P2RY1: variants seen among roughly 807,000 people sequenced by gnomAD.
P2RY1 encodes P2Y purinoceptor 1.
Under a neutral mutation model 22.8 loss-of-function variants are expected in P2RY1, and 14 were observed. The ratio of observed to expected loss-of-function variants is 0.61; its 90% CI spans 0.41 to 0.96. The LOEUF (loss-of-function observed/expected upper bound fraction) is 0.96, where lower values mean the gene tolerates loss of function less well. Among genes scored for constraint, P2RY1 ranks in the 40% least tolerant of loss-of-function variants. The pLI, the probability that P2RY1 is intolerant of heterozygous loss-of-function variation, is 0.00. For synonymous variants in P2RY1, 200 were observed against 195.1 expected (o/e 1.03, Z -0.21); for missense variants, 395 against 470.3 (o/e 0.84, Z 1.48).
In P2RY1 at chr3:152,835,948, G is replaced by C; in HGVS notation, c.166G>C (p.Ala56Pro). The change falls in exon 1 of 1, where the codon GCT becomes CCT. Residue 56 changes from alanine (A) to proline (P), a missense_variant. Around this residue, in one of 3 missense-constraint regions of P2RY1, gnomAD observed 98 missense variants for 87.7 expected, o/e 1.12. Transcript: ENST00000305097. ...GGGCTTCCAGTTTTACTACCTGCCG[G>C]CTGTCTACATCTTGGTATTCATCAT... ...KTGFQFYYLPAVYILVFIIGF... is the reference protein window; with the variant it reads ...KTGFQFYYLPPVYILVFIIGF... The C allele has an allele frequency of 6.2e-7, 1 of 1,614,194 alleles. No individual in the cohort carries two copies.
chr3:152,836,295 C>G lies in P2RY1; in HGVS notation c.513C>G (p.Ile171Met), dbSNP rs1232204166. 3.7e-6 allele frequency: 6 copies of G among 1,614,040 alleles called. No individual in the cohort carries two copies. The highest frequency in any genetic ancestry group is 5.1e-6 in the Non-Finnish European group (6 of 1,180,038). ...TCAAAAAGAAGAATGCGATCTGTAT[C>G]AGCGTGCTGGTGTGGCTCATTGTGG... ...GRLKKKNAICISVLVWLIVVV... is the reference protein window; with the variant it reads ...GRLKKKNAICMSVLVWLIVVV... Residue 171 changes from isoleucine (I) to methionine (M), a missense_variant, in exon 1 of 1, where the codon ATC becomes ATG. Ile to Met is a conservative substitution (Grantham distance 10, BLOSUM62 1). Coordinates refer to ENST00000305097, the MANE Select transcript of P2RY1 (RefSeq NM_002563.5). This position sits in a 1 kb window ranked among gnomAD's most constrained non-coding sequence, Gnocchi z 5.6.
At position 152,836,245 on chromosome 3, in the gene P2RY1, TA is replaced by T; in HGVS notation, c.464del (p.Tyr155SerfsTer78). ...TGCCCACCGGTACAGCGGTGTGGTG[TA>T]CCCCCTCAAGTCCCTGGGCCGGCTC... ...ISAHRYSGVV[Y>X]PLKSLGRLKK... is the part of the protein sequence containing the mutation. On this transcript the variant is annotated frameshift_variant, in exon 1 of 1. Transcript: ENST00000305097. LOFTEE classifies it high-confidence loss of function. The surrounding 1 kb of genome is among the most constrained non-coding windows in gnomAD (Gnocchi z 5.6). The T allele has an allele frequency of 1.2e-6, 2 of 1,614,148 alleles. No individual in the cohort carries two copies. The highest frequency in any genetic ancestry group is 1.7e-6 in the Non-Finnish European group (2 of 1,180,024).
In P2RY1 at chr3:152,839,001, T is replaced by A. The variant is rs1716237365; in HGVS notation, c.*2097T>A. The A allele has an allele frequency of 6.6e-6, 1 of 152,218 alleles. No individual in the cohort carries two copies. Among genetic ancestry groups the A allele is most frequent in the Non-Finnish European group, 1.5e-5 (1 of 68,022 alleles). 9.4% of individuals were successfully genotyped at this position (152,218 alleles called of 1,614,324 possible). A position where few individuals can be genotyped will look rare whatever the true frequency, so the allele number is the denominator to read the frequency against. The stretch of plus-strand genomic sequence containing the variant: ...TACCAGACTTGAACTTGTAGCCTAA[T>A]GATACACATTTTTACAATATTTCTT... On this transcript the variant is annotated 3_prime_UTR_variant, in exon 1 of 1. Transcript: ENST00000305097.
chr3:152,835,477 A>C lies in P2RY1; in HGVS notation c.-306A>C. 3 of 387,310 alleles carry C rather than the reference A, an allele frequency of 7.7e-6. No homozygotes were observed. Among genetic ancestry groups the C allele is most frequent in the Non-Finnish European group, 9.3e-6 (2 of 215,862 alleles). The allele number at this position is 387,310 out of a possible 1,614,324, so 24.0% of individuals were successfully genotyped here. On this transcript the variant is annotated 5_prime_UTR_variant, in exon 1 of 1. Coordinates refer to ENST00000305097, the MANE Select transcript of P2RY1 (RefSeq NM_002563.5). Reference sequence around the variant, plus strand: ...GGCCCCTCGGGAAAGCGCAGTCGGAAAGTTATCCGCGGCGGTTCCCTGCGC... The same window carrying C: ...GGCCCCTCGGGAAAGCGCAGTCGGACAGTTATCCGCGGCGGTTCCCTGCGC...
chr3:152,837,628 A>G lies in P2RY1; in HGVS notation c.*724A>G, dbSNP rs1210462562. On this transcript the variant is annotated 3_prime_UTR_variant, in exon 1 of 1. Transcript: ENST00000305097. Reference sequence around the variant, plus strand: ...TATCGTACTGGTAAAATGCATTCAAAATAATTAAAGTGCATGTATTTTCCT... The same window carrying G: ...TATCGTACTGGTAAAATGCATTCAAGATAATTAAAGTGCATGTATTTTCCT... The G allele has an allele frequency of 6.0e-6, 1 of 167,058 alleles. No homozygotes were observed. The highest frequency in any genetic ancestry group is 1.5e-5 in the Non-Finnish European group (1 of 68,132). The allele number at this position is 167,058 out of a possible 1,614,324, so 10.3% of individuals were successfully genotyped here. A position where few individuals can be genotyped will look rare whatever the true frequency, so the allele number is the denominator to read the frequency against.
At position 152,838,631 on chromosome 3, in the gene P2RY1, A is replaced by G. The variant is rs1339225260; in HGVS notation, c.*1727A>G. ...CTTGATTTCAGTTCTTGCAATGCCT[A>G]TGTAGATTGAGGATTTGTGAGACCT... is the stretch of plus-strand genomic sequence containing the variant. On this transcript the variant is annotated 3_prime_UTR_variant, in exon 1 of 1. Coordinates refer to ENST00000305097, the MANE Select transcript of P2RY1 (RefSeq NM_002563.5). 2 of 152,166 alleles carry G rather than the reference A, an allele frequency of 1.3e-5. No individual in the cohort carries two copies. The highest frequency in any genetic ancestry group is 2.9e-5 in the Non-Finnish European group (2 of 68,024). 9.4% of individuals were successfully genotyped at this position (152,166 alleles called of 1,614,324 possible).
Position 152,835,618 on chromosome 3 carries a change from A to C in P2RY1, c.-165A>C. The C allele has an allele frequency of 4.6e-6, 3 of 649,664 alleles. No homozygotes were observed. Among genetic ancestry groups the C allele is most frequent in the Non-Finnish European group, 5.0e-6 (2 of 400,472 alleles). The allele number at this position is 649,664 out of a possible 1,614,324, so 40.2% of individuals were successfully genotyped here. On this transcript the variant is annotated 5_prime_UTR_variant, in exon 1 of 1. Coordinates refer to ENST00000305097, the MANE Select transcript of P2RY1 (RefSeq NM_002563.5). ...CATGGCCCGCGGCGAACGCGGGGCCAGAGCTGGCGTGGGCGAGCCCCTGCG... is the reference window on the plus strand; with the variant it reads ...CATGGCCCGCGGCGAACGCGGGGCCCGAGCTGGCGTGGGCGAGCCCCTGCG...
Position 152,839,982 on chromosome 3 carries a change from T to A in P2RY1, c.*3078T>A, listed in dbSNP as rs562551992. On this transcript the variant is annotated 3_prime_UTR_variant, in exon 1 of 1. Coordinates refer to ENST00000305097, the MANE Select transcript of P2RY1 (RefSeq NM_002563.5). ...TGGCTAGTGACAATGTTTAAAGATG[T>A]AATACTAGTTAGTATCTATTGAAGC... 1.2e-4 allele frequency: 18 copies of A among 152,360 alleles called. No homozygotes were observed. In the South Asian group the frequency reaches 3.5e-3, roughly 30 times the overall value. The allele number at this position is 152,360 out of a possible 1,614,324, so 9.4% of individuals were successfully genotyped here. A position where few individuals can be genotyped will look rare whatever the true frequency, so the allele number is the denominator to read the frequency against.
At position 152,836,662 on chromosome 3, in the gene P2RY1, GC is replaced by G; in HGVS notation, c.881del (p.Ala294GlufsTer15). 6.2e-7 allele frequency: 1 copy of G among 1,614,156 alleles called. No homozygotes were observed. The highest frequency in any genetic ancestry group is 8.5e-7 in the Non-Finnish European group (1 of 1,180,028). On this transcript the variant is annotated frameshift_variant, in exon 1 of 1. Transcript: ENST00000305097. LOFTEE classifies it high-confidence loss of function. The surrounding 1 kb of genome is among the most constrained non-coding windows in gnomAD (Gnocchi z 5.6). ...LRARLDFQTP[A>X]MCAFNDRVYA... ...GGCCCGGCTTGATTTTCAGACCCCA[GC>G]AATGTGTGCTTTCAATGACAGGGTT...
rs1716128092 is a variant in P2RY1 at position 152,835,543 on chromosome 3, G to A, written c.-240G>A. ...CTCGGCGTTGCCAGCGGACGGAGAA[G>A]TTGCTGGCTTGCCCGATAGCCCAGT... On this transcript the variant is annotated 5_prime_UTR_variant, in exon 1 of 1. Transcript: ENST00000305097. 1 of 502,246 alleles carries A rather than the reference G, an allele frequency of 2.0e-6. No homozygotes were observed. Among genetic ancestry groups the A allele is most frequent in the East Asian group, 3.4e-5 (1 of 29,828 alleles). 31.1% of individuals were successfully genotyped at this position (502,246 alleles called of 1,614,324 possible).
rs1419231289 is a variant in P2RY1 at position 152,836,139 on chromosome 3, C to T, written c.357C>T (p.Phe119=). 2.5e-6 allele frequency: 4 copies of T among 1,614,030 alleles called. No homozygotes were observed. The highest frequency in any genetic ancestry group is 2.2e-5 in the East Asian group (1 of 44,894). The change falls in exon 1 of 1, where the codon TTC becomes TTT. Residue 119 remains phenylalanine, a synonymous_variant. Coordinates refer to ENST00000305097, the MANE Select transcript of P2RY1 (RefSeq NM_002563.5). The surrounding 1 kb of genome is among the most constrained non-coding windows in gnomAD (Gnocchi z 5.6). ...ACTTCAATAAAACAGACTGGATCTT[C>T]GGGGATGCCATGTGTAAACTGCAGA... ...FYYFNKTDWI[F]GDAMCKLQRF... is the part of the protein sequence containing the mutation.
Position 152,836,833 on chromosome 3 carries a change from C to T in P2RY1, c.1051C>T (p.Gln351Ter), listed in dbSNP as rs1246111459. 6.2e-7 allele frequency: 1 copy of T among 1,613,794 alleles called. No individual in the cohort carries two copies. The highest frequency in any genetic ancestry group is 1.1e-5 in the South Asian group (1 of 91,066). Residue 351 changes from glutamine (Q) to a stop codon, truncating the protein, a stop_gained, in exon 1 of 1, where the codon CAA becomes TAA. Transcript: ENST00000305097. LOFTEE classifies it high-confidence loss of function. The surrounding 1 kb of genome is among the most constrained non-coding windows in gnomAD (Gnocchi z 5.6). ...TTCTAGAAGAAGTGAGGCAAATTTG[C>T]AATCCAAGAGTGAAGACATGACCCT... Reference protein sequence around the residue: ...KASRRSEANLQSKSEDMTLNI... With the variant: ...KASRRSEANL
Position 152,835,706 on chromosome 3 carries a change from T to G in P2RY1, c.-77T>G, listed in dbSNP as rs1030842968. On this transcript the variant is annotated 5_prime_UTR_variant, in exon 1 of 1. Transcript: ENST00000305097. Reference sequence around the variant, plus strand: ...TCCGCTCGCTGGCTTTTCCGATGCTTGCTGCGCCCCTGGCCGCCGCTGCCC... The same window carrying G: ...TCCGCTCGCTGGCTTTTCCGATGCTGGCTGCGCCCCTGGCCGCCGCTGCCC... The G allele has an allele frequency of 7.2e-7, 1 of 1,391,426 alleles. No homozygotes were observed. Among genetic ancestry groups the G allele is most frequent in the African/African-American group, 1.4e-5 (1 of 69,528 alleles). 86.2% of individuals were successfully genotyped at this position (1,391,426 alleles called of 1,614,324 possible). A position where few individuals can be genotyped will look rare whatever the true frequency, so the allele number is the denominator to read the frequency against.
In P2RY1 at chr3:152,836,107, T is replaced by A. The variant is rs1482706201; in HGVS notation, c.325T>A (p.Phe109Ile). 1 of 1,614,172 alleles carries A rather than the reference T, an allele frequency of 6.2e-7. No homozygotes were observed. Among genetic ancestry groups the A allele is most frequent in the Admixed American group, 1.7e-5 (1 of 60,022 alleles). ...LYVLTLPALI[F>I]YYFNKTDWIF... Reference sequence around the variant, plus strand: ...CGTGCTGACTCTGCCAGCCCTGATCTTCTACTACTTCAATAAAACAGACTG... The same window carrying A: ...CGTGCTGACTCTGCCAGCCCTGATCATCTACTACTTCAATAAAACAGACTG... Residue 109 changes from phenylalanine to isoleucine, a missense_variant, in exon 1 of 1, where the codon TTC becomes ATC. Transcript: ENST00000305097. The surrounding 1 kb of genome is among the most constrained non-coding windows in gnomAD (Gnocchi z 5.6).
At position 152,835,333 on chromosome 3, in the gene P2RY1, A is replaced by T; in HGVS notation, c.-450A>T. The T allele has an allele frequency of 6.0e-6, 1 of 165,476 alleles. No homozygotes were observed. The highest frequency in any genetic ancestry group is 1.3e-5 in the Non-Finnish European group (1 of 77,930). 10.3% of individuals were successfully genotyped at this position (165,476 alleles called of 1,614,324 possible). ...AGGTAGGGAGGAGGAAGATGCCCCC[A>T]ATTAAGTTGATCTTTGAGCCAAGGA... On this transcript the variant is annotated 5_prime_UTR_variant, in exon 1 of 1. Transcript: ENST00000305097.
rs1716286281 is a variant in P2RY1 at position 152,841,001 on chromosome 3, C to T, written c.*4097C>T. The stretch of plus-strand genomic sequence containing the variant: ...ATTTGAATTATAGTATGTTTTAGTG[C>T]TATTGCAAAAAATGTTTATTTTTAT... On this transcript the variant is annotated 3_prime_UTR_variant, in exon 1 of 1. Coordinates refer to ENST00000305097, the MANE Select transcript of P2RY1 (RefSeq NM_002563.5). The T allele has an allele frequency of 6.6e-6, 1 of 151,848 alleles. No individual in the cohort carries two copies. The highest frequency in any genetic ancestry group is 1.5e-5 in the Non-Finnish European group (1 of 67,942). 9.4% of individuals were successfully genotyped at this position (151,848 alleles called of 1,614,324 possible). A position where few individuals can be genotyped will look rare whatever the true frequency, so the allele number is the denominator to read the frequency against.
chr3:152,836,070 C>T lies in P2RY1; in HGVS notation c.288C>T (p.Ala96=). 2 of 1,614,154 alleles carry T rather than the reference C, an allele frequency of 1.2e-6. No homozygotes were observed. Among genetic ancestry groups the T allele is most frequent in the South Asian group, 1.1e-5 (1 of 91,074 alleles). Residue 96 remains alanine, a synonymous_variant, in exon 1 of 1, where the codon GCC becomes GCT. Coordinates refer to ENST00000305097, the MANE Select transcript of P2RY1 (RefSeq NM_002563.5). The surrounding 1 kb of genome is among the most constrained non-coding windows in gnomAD (Gnocchi z 5.6). ...ISVYMFNLAL[A]DFLYVLTLPA... ...TGTACATGTTCAATTTGGCTCTGGC[C>T]GACTTCTTGTACGTGCTGACTCTGC...
Position 152,839,363 on chromosome 3 carries a change from A to G in P2RY1, c.*2459A>G, listed in dbSNP as rs574361272. Reference sequence around the variant, plus strand: ...GGGTCAGGGTGAAGCAGTGATCTCTATTGGCTGAAAAACTGATCAGGTCAT... The same window carrying G: ...GGGTCAGGGTGAAGCAGTGATCTCTGTTGGCTGAAAAACTGATCAGGTCAT... On this transcript the variant is annotated 3_prime_UTR_variant, in exon 1 of 1. Coordinates refer to ENST00000305097, the MANE Select transcript of P2RY1 (RefSeq NM_002563.5). 3.3e-4 allele frequency: 51 copies of G among 152,304 alleles called. No homozygotes were observed. Among genetic ancestry groups the G allele is most frequent in the African/African-American group, 1.2e-3 (48 of 41,572 alleles). The allele number at this position is 152,304 out of a possible 1,614,324, so 9.4% of individuals were successfully genotyped here.
In P2RY1 at chr3:152,835,721, C is replaced by G. The variant is rs565670939; in HGVS notation, c.-62C>G. 1.4e-5 allele frequency: 20 copies of G among 1,460,574 alleles called. No homozygotes were observed. The highest frequency in any genetic ancestry group is 5.1e-4 in the Middle Eastern group (2 of 3,906). 90.5% of individuals were successfully genotyped at this position (1,460,574 alleles called of 1,614,324 possible). Reference sequence around the variant, plus strand: ...TTCCGATGCTTGCTGCGCCCCTGGCCGCCGCTGCCCTCTCGCCGCCTCCTA... The same window carrying G: ...TTCCGATGCTTGCTGCGCCCCTGGCGGCCGCTGCCCTCTCGCCGCCTCCTA... On this transcript the variant is annotated 5_prime_UTR_variant, in exon 1 of 1. Coordinates refer to ENST00000305097, the MANE Select transcript of P2RY1 (RefSeq NM_002563.5).
Sources: allele counts gnomAD v4.1 joint callset, GRCh38; gene constraint gnomAD v4.1.1; regional missense constraint gnomAD v4.1.1; non-coding constraint Gnocchi (gnomAD v3.1); transcripts MANE v1.5; gene names NCBI Gene and HGNC (gene_info 2026-07-23, HGNC 2026-07-21).